Variants in UST observed in about 807,000 individuals in gnomAD.
UST encodes chondroitin sulfate 2-O-sulfotransferase.
Under a neutral mutation model 45.6 loss-of-function variants are expected in UST, and 21 were observed. The ratio of observed to expected loss-of-function variants is 0.46; its 90% CI spans 0.33 to 0.66. The LOEUF (loss-of-function observed/expected upper bound fraction) is 0.66, where lower values mean the gene tolerates loss of function less well. Ranked by LOEUF, UST falls within the 30% of genes least tolerant of loss-of-function variation. The pLI, the probability that UST is intolerant of heterozygous loss-of-function variation, is 0.02. For synonymous variants in UST, 215 were observed against 200.6 expected, an observed-to-expected ratio of 1.07 and a Z score of -0.61; for missense variants, 463 against 512.4, an observed-to-expected ratio of 0.90 and a Z score of 0.93.
intron 5 of UST, among the ~76,000 whole-genome samples, chr6:148,995,043 G>GTA (rs1781425581): frequency 6.6e-6 from 1 of 151,946 alleles, no homozygotes; most frequent in South Asian, 2.1e-4. Context: ...GTGTGTGTGT[G>GTA]AGACAGAGTC....
intron 1 of UST, among the ~76,000 whole-genome samples, chr6:148,864,479 C>T (rs199600733): frequency 2.6e-5 from 4 of 152,232 alleles, no homozygotes; most frequent in African/African-American, 4.8e-5. Context: ...CGCCCTGCTT[C>T]GGCTCATGCT....
chr6:148,890,227 C>T (rs549203808), intron 2 of UST, among the ~76,000 whole-genome samples: 2 of 152,288 alleles, frequency 1.3e-5, no homozygotes, highest in African/African-American at 4.8e-5. Context: ...CTTATTGCTT[C>T]TGGCAGGGTG....
At position 148,748,968 on chromosome 6, in the gene UST, C is replaced by T. The variant is rs1582785578; in HGVS notation, c.247+1291C>T. The stretch of plus-strand genomic sequence containing the variant: ...AACAAACAAACAAAACAAAGCAAAA[C>T]AAAAACAAAACCACATCAGCCAAGT... On this transcript the variant is annotated intron_variant, in intron 1 of 7. Coordinates refer to ENST00000367463, the MANE Select transcript of UST (RefSeq NM_005715.3). The surrounding 1 kb of genome is among the most constrained non-coding windows in gnomAD (Gnocchi z 5.3). Among the ~76,000 whole-genome samples the T allele has an allele frequency of 6.7e-6, 1 of 149,278 alleles. No homozygotes were observed. The highest frequency in any genetic ancestry group is 1.5e-5 in the Non-Finnish European group (1 of 67,284).
At chr6:149,006,572 T>C (rs946515028) in intron 5 of UST, among the ~76,000 whole-genome samples, 1 of 152,226 alleles carries the variant, frequency 6.6e-6, no homozygotes, top group African/African-American at 2.4e-5. Context: ...TGCATATATC[T>C]TTATAGTAAA....
At chr6:148,968,223 C>G (rs1472298342) in intron 5 of UST, among the ~76,000 whole-genome samples, 1 of 152,238 alleles carries the variant, frequency 6.6e-6, no homozygotes, top group East Asian at 1.9e-4. Context: ...AAAGACATCG[C>G]TGTTACAGCA....
At chr6:148,978,210 C>T (rs1291367550) in intron 5 of UST, among the ~76,000 whole-genome samples, 2 of 152,022 alleles carry the variant, frequency 1.3e-5, no homozygotes, top group African/African-American at 4.8e-5. Context: ...GTTTTTATAA[C>T]TCTTATCCAT....
intron 5 of UST, among the ~76,000 whole-genome samples, chr6:149,001,351 A>G (rs2486392): frequency 0.93 from 142,296 of 152,284 alleles, 66,915 homozygotes; most frequent in African/African-American, 0.98. Context: ...GATTATAGGC[A>G]TAAGCCACCG....
intron 2 of UST, among the ~76,000 whole-genome samples, chr6:148,901,986 T>C (rs117480504): frequency 7.7e-4 from 118 of 152,334 alleles, no homozygotes; most frequent in South Asian, 1.2e-3. Context: ...CACAAAATCA[T>C]GTCCCCTCTG....
At chr6:149,067,881 G>A (rs758911244) in intron 7 of UST, among the ~76,000 whole-genome samples, 1 of 152,212 alleles carries the variant, frequency 6.6e-6, no homozygotes, top group Non-Finnish European at 1.5e-5. Flanking sequence ...GGGATAGAAT[G>A]TTTCCTACTG....
chr6:148,807,695 G>A (rs111271748), intron 1 of UST, among the ~76,000 whole-genome samples: 186 of 152,166 alleles, frequency 1.2e-3, no homozygotes, highest in Non-Finnish European at 2.2e-3. Flanking sequence ...AGGGGGCTTG[G>A]GTAAGAAGCA....
In UST at chr6:148,774,021, A is replaced by G. The variant is rs576367571; in HGVS notation, c.247+26344A>G. Among the ~76,000 whole-genome samples the G allele has an allele frequency of 1.1e-3, 162 of 152,322 alleles. 1 individual carries two copies. Among genetic ancestry groups the G allele is most frequent in the Admixed American group, 2.0e-3 (30 of 15,302 alleles). ...ATGCTGGTGTCAAACACCTCCAGGT[A>G]CCAAAGGAAGAATTCAAAATCCTGG... On this transcript the variant is annotated intron_variant, in intron 1 of 7. Coordinates refer to ENST00000367463, the MANE Select transcript of UST (RefSeq NM_005715.3).
chr6:149,048,002 C>T (rs1202768669), intron 7 of UST, among the ~76,000 whole-genome samples: 2 of 151,914 alleles, frequency 1.3e-5, no homozygotes, highest in African/African-American at 4.8e-5. Flanking sequence ...GTAATGTGCT[C>T]TCTGGTAAAG....
intron 5 of UST, among the ~76,000 whole-genome samples, chr6:148,970,646 C>G (rs1780896940): frequency 6.6e-6 from 1 of 152,196 alleles, no homozygotes. Context: ...ATGGGAAGCA[C>G]ATGAACCACA....
chr6:148,836,495 C>T (rs1256131609), intron 1 of UST, among the ~76,000 whole-genome samples: 1 of 152,158 alleles, frequency 6.6e-6, no homozygotes, highest in African/African-American at 2.4e-5. Flanking sequence ...CTGATTCCAG[C>T]GTTCAGGCAC....
intron 2 of UST, among the ~76,000 whole-genome samples, chr6:148,915,530 C>CCA (rs1554226109): frequency 5.9e-5 from 9 of 151,918 alleles, no homozygotes; most frequent in Non-Finnish European, 1.3e-4. Context: ...TTCATACCTT[C>CCA]AAAAAAAGCA....
chr6:148,788,263 A>C (rs11155593), intron 1 of UST, among the ~76,000 whole-genome samples: 50,677 of 151,990 alleles, frequency 0.33, 9,099 homozygotes, highest in African/African-American at 0.47. Context: ...CTCCCACAAC[A>C]CATGGGAATT....
At chr6:148,855,913 G>A (rs890170050) in intron 1 of UST, among the ~76,000 whole-genome samples, 9 of 152,146 alleles carry the variant, frequency 5.9e-5, no homozygotes, top group South Asian at 2.1e-4. Context: ...TGACAAAAAA[G>A]TCAATTGATA....
rs149816947 is a variant in UST, at chr6:149,002,799, G to A, written c.682-16340G>A. On this transcript the variant is annotated intron_variant, in intron 5 of 7. Transcript: ENST00000367463. Reference sequence around the variant, plus strand: ...TGGGATTACAGGCGTGAGCCACTGCGCCTGGCCGTATGACACATTTTAATA... The same window carrying A: ...TGGGATTACAGGCGTGAGCCACTGCACCTGGCCGTATGACACATTTTAATA... Among the ~76,000 whole-genome samples, 280 of 152,240 alleles carry A rather than the reference G, an allele frequency of 1.8e-3. 4 individuals are homozygous for A. The East Asian group carries it at 0.046, about 25-fold the overall frequency.
At chr6:149,067,184 C>G (rs1189425178) in intron 7 of UST, among the ~76,000 whole-genome samples, 5 of 152,196 alleles carry the variant, frequency 3.3e-5, no homozygotes, top group Non-Finnish European at 4.4e-5. Flanking sequence ...CAACGTTCAT[C>G]TGAGCTCTGA....
Sources: allele counts gnomAD v4.1 joint callset (sites outside exome capture counted in the v4.1 genomes callset), GRCh38; gene constraint gnomAD v4.1.1; non-coding constraint Gnocchi (gnomAD v3.1); transcripts MANE v1.5; gene names NCBI Gene and HGNC (gene_info 2026-07-23, HGNC 2026-07-21).